Variants in STXBP5 observed in about 807,000 individuals in gnomAD.
The protein encoded by STXBP5 is syntaxin binding protein 5.
A neutral mutation model predicts 152.4 loss-of-function variants in STXBP5; 50 were observed. The ratio of observed to expected loss-of-function variants is 0.33; its 90% CI spans 0.26 to 0.42. The LOEUF is 0.42. STXBP5 is among the 10% of genes least tolerant of loss of function. The pLI is 1.00. For synonymous variants in STXBP5, 492 were observed against 494.7 expected, an observed-to-expected ratio of 0.99 and a Z score of 0.07; for missense variants, 1,167 against 1,388.6, an observed-to-expected ratio of 0.84 and a Z score of 2.54.
chr6:147,279,728 T>A (rs1780611576), intron 8 of STXBP5, among the ~76,000 whole-genome samples: 1 of 152,196 alleles, frequency 6.6e-6, no homozygotes, highest in Non-Finnish European at 1.5e-5. Context: ...TAATGTATTT[T>A]GTTCCTTCCT....
chr6:147,301,062 A>G (rs1282527319), intron 9 of STXBP5, among the ~76,000 whole-genome samples: 2 of 152,132 alleles, frequency 1.3e-5, no homozygotes, highest in Admixed American at 6.5e-5. Context: ...GTTCGACATC[A>G]CTAATCATCA....
chr6:147,284,293 A>G (rs773379778), intron 8 of STXBP5, among the ~76,000 whole-genome samples: 1 of 152,200 alleles, frequency 6.6e-6, no homozygotes, highest in Non-Finnish European at 1.5e-5. Context: ...CACTTAAAAT[A>G]TGTTCCTCAT....
At chr6:147,357,587 C>T (rs1046622663) in intron 22 of STXBP5, among the ~76,000 whole-genome samples, 6 of 151,940 alleles carry the variant, frequency 3.9e-5, no homozygotes, top group South Asian at 4.2e-4. Context: ...TGAGATGCTG[C>T]GGGTGAGGAG....
chr6:147,321,329 A>T (rs547826611), intron 16 of STXBP5, among the ~76,000 whole-genome samples: 3 of 152,294 alleles, frequency 2.0e-5, no homozygotes, highest in South Asian at 2.1e-4. Context: ...TTGAAGAAAC[A>T]TTTTAAAAGC....
In STXBP5 at chr6:147,254,954, A is replaced by G. The variant is rs551258067; in HGVS notation, c.432-5661A>G. Among the ~76,000 whole-genome samples, 5 of 152,346 alleles carry G rather than the reference A, an allele frequency of 3.3e-5. No individual in the cohort carries two copies. In the South Asian group the frequency reaches 6.2e-4, roughly 19 times the overall value. ...ACCAGAAATACCATTTGACCCAGCA[A>G]TCCCATTACTGGGTATGTACCCAAA... On this transcript the variant is annotated intron_variant, in intron 4 of 27. Coordinates refer to ENST00000321680, the MANE Select transcript of STXBP5 (RefSeq NM_001127715.4).
At chr6:147,227,223 A>G (rs1777763441) in intron 2 of STXBP5, among the ~76,000 whole-genome samples, 1 of 152,162 alleles carries the variant, frequency 6.6e-6, no homozygotes, top group Non-Finnish European at 1.5e-5. Context: ...CACTAATTCT[A>G]TGTCTGATTC....
intron 26 of STXBP5, among the ~76,000 whole-genome samples, chr6:147,379,379 AG>A (rs1213630298): frequency 6.6e-6 from 1 of 152,184 alleles, no homozygotes; most frequent in Non-Finnish European, 1.5e-5. Flanking sequence ...CCATGGGGAA[AG>A]TAGAAAATTA....
intron 7 of STXBP5, 27 bp from the exon 8 acceptor site, chr6:147,278,054 T>A: frequency 6.3e-7 from 1 of 1,581,258 alleles, no homozygotes; most frequent in South Asian, 1.2e-5. Context: ...ATAGATTTTT[T>A]AAATGGTATT....
intron 2 of STXBP5, among the ~76,000 whole-genome samples, chr6:147,213,817 T>C (rs1283107608): frequency 6.6e-6 from 1 of 152,168 alleles, no homozygotes; most frequent in Non-Finnish European, 1.5e-5. Context: ...TGTTTATCTG[T>C]TTAAGAGTAT....
intron 9 of STXBP5, among the ~76,000 whole-genome samples, chr6:147,300,546 A>G (rs1416325151): frequency 6.6e-6 from 1 of 152,092 alleles, no homozygotes; most frequent in Non-Finnish European, 1.5e-5. Context: ...AGATACAAAG[A>G]ACAAAAATTG....
At chr6:147,278,298 A>G (rs80087606) in intron 8 of STXBP5, 94 bp downstream of exon 8, 24,808 of 1,247,116 alleles carry the variant, frequency 0.02, 277 homozygotes, top group Non-Finnish European at 0.023. Flanking sequence ...TTTGATTTTT[A>G]GGATAAGGAT....
chr6:147,327,038 GCTT>G, intron 17 of STXBP5, 84 bp from the exon 18 acceptor site: 1 of 1,248,452 alleles, frequency 8.0e-7, no homozygotes. Context: ...GACCCACCAT[GCTT>G]CTTTCTTCAG....
At chr6:147,346,736 CA>C (rs901429195) in intron 21 of STXBP5, among the ~76,000 whole-genome samples, 24 of 143,110 alleles carry the variant, frequency 1.7e-4, no homozygotes, top group Admixed American at 2.8e-4. Context: ...TGAGTCTCCT[CA>C]AAAAAAAAAA....
chr6:147,275,714 G>A (rs549886817), intron 7 of STXBP5, among the ~76,000 whole-genome samples: 4 of 151,248 alleles, frequency 2.6e-5, no homozygotes, highest in South Asian at 4.2e-4. Flanking sequence ...CCCACCACAC[G>A]CCTGGCTAAT....
chr6:147,333,947 G>C (rs1783705995), intron 18 of STXBP5, among the ~76,000 whole-genome samples: 1 of 152,042 alleles, frequency 6.6e-6, no homozygotes, highest in Non-Finnish European at 1.5e-5. Context: ...ATTTTTATTT[G>C]TTTTAACTGA....
intron 26 of STXBP5, 138 bp downstream of exon 26, chr6:147,373,980 A>G (rs1785689228): frequency 7.0e-6 from 4 of 574,460 alleles, no homozygotes; most frequent in South Asian, 4.9e-5. Flanking sequence ...AACAAAATAC[A>G]TAAAATTATT....
chr6:147,344,799 A>C (rs1334956703), intron 21 of STXBP5, among the ~76,000 whole-genome samples: 1 of 98,296 alleles, frequency 1.0e-5, no homozygotes, highest in Non-Finnish European at 2.3e-5. Context: ...TCATTCCGTA[A>C]CACTGTGTTA....
At chr6:147,220,915 C>G (rs1777425969) in intron 2 of STXBP5, among the ~76,000 whole-genome samples, 1 of 152,050 alleles carries the variant, frequency 6.6e-6, no homozygotes, top group African/African-American at 2.4e-5. Context: ...TTACTGTTCT[C>G]TATTTGTTGC....
In STXBP5 at chr6:147,389,837, T is replaced by C. The variant is rs1315305158; in HGVS notation, c.*5082T>C. ...TCTTGTTTTAATTTTTTTAACTTTT[T>C]TTTTTTGTAAATAAATAGTACTGTG... On this transcript the variant is annotated 3_prime_UTR_variant, in exon 28 of 28. Coordinates refer to ENST00000321680, the MANE Select transcript of STXBP5 (RefSeq NM_001127715.4). The C allele has an allele frequency of 6.6e-6, 1 of 151,902 alleles. No individual in the cohort carries two copies. Among genetic ancestry groups the C allele is most frequent in the Non-Finnish European group, 1.5e-5 (1 of 67,850 alleles). The allele number at this position is 151,902 out of a possible 1,614,324, so 9.4% of individuals were successfully genotyped here.
Sources: allele counts gnomAD v4.1 joint callset (sites outside exome capture counted in the v4.1 genomes callset), GRCh38; gene constraint gnomAD v4.1.1; transcripts MANE v1.5; gene names NCBI Gene and HGNC (gene_info 2026-07-23, HGNC 2026-07-21).